UNC5C: variants seen among roughly 807,000 people sequenced by gnomAD.
UNC5C encodes unc-5 netrin receptor C, also known as netrin receptor UNC5C.
Under a neutral mutation model 99.8 loss-of-function variants are expected in UNC5C, and 47 were observed. The observed-to-expected ratio is 0.47, with a 90% CI of 0.37 to 0.60. UNC5C has a LOEUF of 0.60. Among genes scored for constraint, UNC5C ranks in the 20% least tolerant of loss-of-function variants. The pLI, the probability that UNC5C is intolerant of heterozygous loss-of-function variation, is 0.00. For synonymous variants in UNC5C, 487 were observed against 452.2 expected, an observed-to-expected ratio of 1.08 and a Z score of -0.98; for missense variants, 1,062 against 1,165.9, an observed-to-expected ratio of 0.91 and a Z score of 1.30.
intron 4 of UNC5C, among the ~76,000 whole-genome samples, chr4:95,272,582 A>G (rs1740702148): frequency 6.6e-6 from 1 of 152,114 alleles, no homozygotes; most frequent in Non-Finnish European, 1.5e-5. Flanking sequence ...TGATCATAAT[A>G]AGGAGGTGAC....
At chr4:95,294,510 C>T (rs200229878) in intron 3 of UNC5C, among the ~76,000 whole-genome samples, 35 of 152,130 alleles carry the variant, frequency 2.3e-4, no homozygotes, top group African/African-American at 8.0e-4. Flanking sequence ...TGCTGTTCCC[C>T]GGAAGATGAA....
intron 1 of UNC5C, among the ~76,000 whole-genome samples, chr4:95,417,557 G>A (rs1213648149): frequency 6.6e-6 from 1 of 152,164 alleles, no homozygotes; most frequent in Non-Finnish European, 1.5e-5. Flanking sequence ...AAGGAGGCAA[G>A]CATCTTCAGT....
rs1274789806 is a variant in UNC5C at position 95,354,481 on chromosome 4, T to TACAA, written c.125-18851_125-18850insTTGT. Among the ~76,000 whole-genome samples, 108 of 99,702 alleles carry TACAA rather than the reference T, an allele frequency of 1.1e-3. 3 individuals are homozygous for TACAA. Among genetic ancestry groups the TACAA allele is most frequent in the African/African-American group, 4.4e-3 (99 of 22,622 alleles). The allele number at this position is 99,702 out of a possible 152,430, so 65.4% of individuals were successfully genotyped here. A position where few individuals can be genotyped will look rare whatever the true frequency, so the allele number is the denominator to read the frequency against. The stretch of plus-strand genomic sequence containing the variant: ...ACCTAACTCTTCCATATATATATAT[T>TACAA]TTTTTTTTTTTTTTAAGAGACAGGG... On this transcript the variant is annotated intron_variant, in intron 1 of 15. Coordinates refer to ENST00000453304, the MANE Select transcript of UNC5C (RefSeq NM_003728.4).
chr4:95,172,101 G>C (rs1210128229), intron 14 of UNC5C, among the ~76,000 whole-genome samples: 1 of 147,616 alleles, frequency 6.8e-6, no homozygotes, highest in Non-Finnish European at 1.5e-5. Context: ...TTTTTTTCTT[G>C]TAAATTTGTT....
chr4:95,447,271 G>A (rs265063), intron 1 of UNC5C, among the ~76,000 whole-genome samples: 92,602 of 151,986 alleles, frequency 0.61, 28,398 homozygotes, highest in Admixed American at 0.7. Flanking sequence ...AGAGAGATAC[G>A]AAATCCAAAA....
Position 95,466,387 on chromosome 4 carries a change from TA to T in UNC5C, c.124+82346del, listed in dbSNP as rs1394542290. 9.9e-5 allele frequency among the ~76,000 whole-genome samples: 15 copies of T among 152,258 alleles called. No homozygotes were observed. In the South Asian group the frequency reaches 3.1e-3, roughly 32 times the overall value. On this transcript the variant is annotated intron_variant, in intron 1 of 15. Transcript: ENST00000453304. ...TAATCAACATATATGAAACTACATA[TA>T]AACTTCACATACATTTGGACAGTAA...
intron 15 of UNC5C, among the ~76,000 whole-genome samples, chr4:95,169,777 TTTATAAC>T (rs1203465153): frequency 6.6e-6 from 1 of 152,186 alleles, no homozygotes; most frequent in African/African-American, 2.4e-5. Flanking sequence ...CAGAGGTCTC[TTTATAAC>T]TTAATATCAG....
In UNC5C at chr4:95,219,108, G is replaced by A; in HGVS notation, c.1506C>T (p.Ser502=). The A allele has an allele frequency of 6.2e-7, 1 of 1,614,140 alleles. No individual in the cohort carries two copies. ...CCAACAACGACTGGGTCATCTGAGG[G>A]GACAGCTTGGACGTAAACTCAGAGA... ...DDLSEFTSKL[S]PQMTQSLLEN... Residue 502 remains serine, a synonymous_variant, in exon 9 of 16, where the codon TCC becomes TCT. Transcript: ENST00000453304.
chr4:95,330,279 C>A (rs1326293965), intron 2 of UNC5C, among the ~76,000 whole-genome samples: 1 of 151,996 alleles, frequency 6.6e-6, no homozygotes. Context: ...ATTATCTCAG[C>A]TATTTTCCCA....
chr4:95,195,162 T>C (rs992996482), intron 12 of UNC5C, among the ~76,000 whole-genome samples: 2 of 152,084 alleles, frequency 1.3e-5, no homozygotes, highest in Non-Finnish European at 1.5e-5. Flanking sequence ...TGCCAGGAGA[T>C]TTAATAACTT....
chr4:95,326,200 A>G (rs192642862), intron 2 of UNC5C, among the ~76,000 whole-genome samples: 9 of 152,302 alleles, frequency 5.9e-5, no homozygotes, highest in Admixed American at 3.9e-4. Flanking sequence ...GGTGCTCAGT[A>G]TAAGGCCTGG....
chr4:95,369,133 A>G (rs2149437965), intron 1 of UNC5C, among the ~76,000 whole-genome samples: 1 of 152,192 alleles, frequency 6.6e-6, no homozygotes, highest in South Asian at 2.1e-4. Flanking sequence ...TGCTGGGATT[A>G]CAGGCATGAG....
chr4:95,240,891 G>T (rs4699414), intron 7 of UNC5C, among the ~76,000 whole-genome samples: 1 of 151,938 alleles, frequency 6.6e-6, no homozygotes, highest in African/African-American at 2.4e-5. Flanking sequence ...TCTGTCTCGT[G>T]GCATTGTATT....
intron 1 of UNC5C, among the ~76,000 whole-genome samples, chr4:95,482,649 C>T: frequency 1.4e-5 from 2 of 140,778 alleles, no homozygotes; most frequent in Non-Finnish European, 3.1e-5. Context: ...GAAAATGTGG[C>T]ACATATACAC....
intron 1 of UNC5C, among the ~76,000 whole-genome samples, chr4:95,367,781 G>T (rs1744618351): frequency 6.6e-6 from 1 of 152,038 alleles, no homozygotes; most frequent in African/African-American, 2.4e-5. Context: ...AATTTTAGTT[G>T]TTTCAAGGAG....
At chr4:95,187,508 G>A (rs1263290056) in intron 12 of UNC5C, among the ~76,000 whole-genome samples, 1 of 152,100 alleles carries the variant, frequency 6.6e-6, no homozygotes, top group African/African-American at 2.4e-5. Flanking sequence ...AGTTTTCTTG[G>A]CAGGCAGGAC....
chr4:95,312,444 C>T (rs1843016), intron 2 of UNC5C, among the ~76,000 whole-genome samples: 128,923 of 152,204 alleles, frequency 0.85, 54,979 homozygotes, highest in African/African-American at 0.95. Flanking sequence ...ATAGAATAAA[C>T]TTAATTGTAG....
At chr4:95,244,477 T>G (rs534353589) in intron 6 of UNC5C, among the ~76,000 whole-genome samples, 1 of 152,318 alleles carries the variant, frequency 6.6e-6, no homozygotes, top group Admixed American at 6.5e-5. Context: ...CAGAATCCAT[T>G]ATCCCAAGTA....
chr4:95,532,190 C>T (rs1009155255), intron 1 of UNC5C, among the ~76,000 whole-genome samples: 1 of 152,098 alleles, frequency 6.6e-6, no homozygotes, highest in Non-Finnish European at 1.5e-5. Flanking sequence ...GGTAGAAAGT[C>T]TGAAGTTAGA....
Sources: allele counts gnomAD v4.1 joint callset (sites outside exome capture counted in the v4.1 genomes callset), GRCh38; gene constraint gnomAD v4.1.1; transcripts MANE v1.5; gene names NCBI Gene and HGNC (gene_info 2026-07-23, HGNC 2026-07-21).